Variants in TNFSF14 observed in about 807,000 individuals in gnomAD.
TNFSF14 encodes TNF superfamily member 14.
TNFSF14 carries 15 observed loss-of-function variants against 22.7 expected under a neutral mutation model. The observed-to-expected ratio is 0.66, with a 90% CI of 0.44 to 1.02. The LOEUF is 1.02. TNFSF14 is among the 50% of genes least tolerant of loss of function. The probability of loss-of-function intolerance (pLI) is 0.00; values close to 1 mark genes in which losing one functional copy is unlikely to be tolerated. For missense variants in TNFSF14, 287 were observed against 326.2 expected, an observed-to-expected ratio of 0.88 and a Z score of 0.93; for synonymous variants, 133 against 139.6, an observed-to-expected ratio of 0.95 and a Z score of 0.33.
rs748127352 is a variant in TNFSF14, at chr19:6,667,446, C to T, written c.223G>A (p.Gly75Arg). ...AGCTGCTCCCAGGAGCCTGCAGGTC[C>T]GTCCTGAAAATGCAGAAGGGGCCTG... ...LGEMVTRLPDGPAGSWEQLIQ... is the reference protein window; with the variant it reads ...LGEMVTRLPDRPAGSWEQLIQ... The change falls in exon 2 of 4, where the codon GGA becomes AGA. Residue 75 changes from glycine to arginine, a missense_variant. By Grantham distance (125) the Gly-to-Arg change is moderately radical (BLOSUM62 -2). Coordinates refer to ENST00000675206, the MANE Select transcript of TNFSF14 (RefSeq NM_001376887.1). 3.1e-5 allele frequency: 48 copies of T among 1,564,032 alleles called. No homozygotes were observed. The Middle Eastern group carries it at 1.0e-3, about 33-fold the overall frequency.
chr19:6,662,775 TTTTATGC>T lies in TNFSF14; in HGVS notation c.*2144_*2150del, dbSNP rs1391883427. On this transcript the variant is annotated 3_prime_UTR_variant, in exon 4 of 4. Transcript: ENST00000675206. ...CCACCCAACCCACCAGCTCCCTGTGTTTTATGCTTCCAGCTGGCTTGGCGGATTGTCA... is the reference window on the plus strand; with the variant it reads ...CCACCCAACCCACCAGCTCCCTGTGTTTCCAGCTGGCTTGGCGGATTGTCA... The T allele has an allele frequency of 3.3e-5, 5 of 152,310 alleles. No individual in the cohort carries two copies. The highest frequency in any genetic ancestry group is 5.9e-5 in the Non-Finnish European group (4 of 68,074). The allele number at this position is 152,310 out of a possible 1,614,324, so 9.4% of individuals were successfully genotyped here.
Position 6,661,716 on chromosome 19 carries a change from G to C in TNFSF14, c.*3210C>G, listed in dbSNP as rs957651384. ...TCAATCACGTTAAACACAAGGTAGG[G>C]TATCACATTGGAATTACAGGCATGA... On this transcript the variant is annotated 3_prime_UTR_variant, in exon 4 of 4. Transcript: ENST00000675206. 5.9e-5 allele frequency: 9 copies of C among 152,230 alleles called. No homozygotes were observed. In the East Asian group the frequency reaches 1.5e-3, roughly 26 times the overall value. The allele number at this position is 152,230 out of a possible 1,614,324, so 9.4% of individuals were successfully genotyped here.
chr19:6,662,042 TG>T lies in TNFSF14; in HGVS notation c.*2883del, dbSNP rs1274946474. ...TCAAAGAGTTTCAGATTTTGGAGCA[TG>T]TTTTTTTGTTTTTTGAGATGGGAGC... On this transcript the variant is annotated 3_prime_UTR_variant, in exon 4 of 4. Coordinates refer to ENST00000675206, the MANE Select transcript of TNFSF14 (RefSeq NM_001376887.1). The T allele has an allele frequency of 2.6e-5, 4 of 152,132 alleles. No homozygotes were observed. The highest frequency in any genetic ancestry group is 4.8e-5 in the African/African-American group (2 of 41,394). 9.4% of individuals were successfully genotyped at this position (152,132 alleles called of 1,614,324 possible). A position where few individuals can be genotyped will look rare whatever the true frequency, so the allele number is the denominator to read the frequency against.
rs751918160 is a variant in TNFSF14 at position 6,664,907 on chromosome 19, A to G, written c.*19T>C. ...TCTCCACGTGTCAGACCCATGTCCA[A>G]TGCACCACGCTCCTTCCTTCACACC... On this transcript the variant is annotated 3_prime_UTR_variant, in exon 4 of 4. Coordinates refer to ENST00000675206, the MANE Select transcript of TNFSF14 (RefSeq NM_001376887.1). This position sits in a 1 kb window ranked among gnomAD's most constrained non-coding sequence, Gnocchi z 4.7. The G allele has an allele frequency of 7.7e-6, 12 of 1,565,062 alleles. No individual in the cohort carries two copies. The highest frequency in any genetic ancestry group is 9.6e-6 in the Non-Finnish European group (11 of 1,150,656).
chr19:6,668,937 C>T (rs1344242162), intron 1 of TNFSF14, among the ~76,000 whole-genome samples: 4 of 152,226 alleles, frequency 2.6e-5, no homozygotes, highest in African/African-American at 4.8e-5. Flanking sequence ...TGCAGCTAGG[C>T]GGGTGTGTGG....
intron 1 of TNFSF14, among the ~76,000 whole-genome samples, chr19:6,667,672 G>A (rs1337124174): frequency 6.6e-6 from 1 of 152,166 alleles, no homozygotes; most frequent in Non-Finnish European, 1.5e-5. Flanking sequence ...GTTACGAATC[G>A]TGTCTGCTTG....
intron 1 of TNFSF14, among the ~76,000 whole-genome samples, chr19:6,668,247 C>T (rs909975888): frequency 6.6e-6 from 1 of 151,834 alleles, no homozygotes; most frequent in Non-Finnish European, 1.5e-5. Context: ...CCTGTAGTCC[C>T]AGCTACTCAT....
At chr19:6,670,338 C>G (rs1166545317), upstream of TNFSF14, 4 of 1,229,550 alleles carry the variant, frequency 3.3e-6, no homozygotes, top group Non-Finnish European at 4.2e-6. Context: ...GTGGCAAGTG[C>G]AGTGGGGAGC....
chr19:6,667,503 C>G, intron 1 of TNFSF14, 54 bp from the exon 2 acceptor site: 2 of 1,556,908 alleles, frequency 1.3e-6, no homozygotes, highest in South Asian at 1.2e-5. Flanking sequence ...GCCACGCCCT[C>G]GCATTGCTCA....
At position 6,664,803 on chromosome 19, in the gene TNFSF14, G is replaced by T; in HGVS notation, c.*123C>A. On this transcript the variant is annotated 3_prime_UTR_variant, in exon 4 of 4. Coordinates refer to ENST00000675206, the MANE Select transcript of TNFSF14 (RefSeq NM_001376887.1). The surrounding 1 kb of genome is among the most constrained non-coding windows in gnomAD (Gnocchi z 4.7). ...GATCCGCCTGCCTTGGCCTCCCAAA[G>T]TGCTGGGATTACAGGCGAGAGCCAC... 7.7e-7 allele frequency: 1 copy of T among 1,306,120 alleles called. No homozygotes were observed. Among genetic ancestry groups the T allele is most frequent in the Non-Finnish European group, 1.0e-6 (1 of 958,460 alleles). 80.9% of individuals were successfully genotyped at this position (1,306,120 alleles called of 1,614,324 possible). A position where few individuals can be genotyped will look rare whatever the true frequency, so the allele number is the denominator to read the frequency against.
chr19:6,666,998 C>G (rs1445999214), intron 3 of TNFSF14, 115 bp downstream of exon 3: 1 of 1,143,496 alleles, frequency 8.7e-7, no homozygotes, highest in Non-Finnish European at 1.3e-6. Flanking sequence ...TTCTGAGCAA[C>G]TCTGTGAGTA....
At chr19:6,670,224 C>T, upstream of TNFSF14, 1 of 1,443,132 alleles carries the variant, frequency 6.9e-7, no homozygotes, top group African/African-American at 1.4e-5. Context: ...CCCCCACTCA[C>T]CCTCCTCTTC....
chr19:6,670,179 G>A (rs1369363802), upstream of TNFSF14: 8 of 1,494,522 alleles, frequency 5.4e-6, no homozygotes, highest in East Asian at 1.2e-4. Flanking sequence ...GCACCCGTGG[G>A]CCGCCTTTAG....
chr19:6,663,581 C>G lies in TNFSF14; in HGVS notation c.*1345G>C, dbSNP rs980473801. 6.5e-6 allele frequency: 1 copy of G among 152,734 alleles called. No homozygotes were observed. The highest frequency in any genetic ancestry group is 1.5e-5 in the Non-Finnish European group (1 of 68,094). The allele number at this position is 152,734 out of a possible 1,614,324, so 9.5% of individuals were successfully genotyped here. A position where few individuals can be genotyped will look rare whatever the true frequency, so the allele number is the denominator to read the frequency against. ...AATGAGTATTAATTACCAAGTGTGA[C>G]GGTGACACCTCTGGGAGTGGCTGTG... On this transcript the variant is annotated 3_prime_UTR_variant, in exon 4 of 4. Coordinates refer to ENST00000675206, the MANE Select transcript of TNFSF14 (RefSeq NM_001376887.1).
chr19:6,669,807 C>T (rs1428762338), intron 1 of TNFSF14, 44 bp downstream of exon 1: 2 of 1,597,658 alleles, frequency 1.3e-6, no homozygotes, highest in Non-Finnish European at 1.7e-6. Context: ...CACAGGGGAG[C>T]CCCCCTCACC....
rs1283640193 is a variant in TNFSF14, at chr19:6,663,736, A to G, written c.*1190T>C. 1 of 152,428 alleles carries G rather than the reference A, an allele frequency of 6.6e-6. No homozygotes were observed. The highest frequency in any genetic ancestry group is 2.4e-5 in the African/African-American group (1 of 41,432). The allele number at this position is 152,428 out of a possible 1,614,324, so 9.4% of individuals were successfully genotyped here. A position where few individuals can be genotyped will look rare whatever the true frequency, so the allele number is the denominator to read the frequency against. On this transcript the variant is annotated 3_prime_UTR_variant, in exon 4 of 4. Transcript: ENST00000675206. ...TGCATGAATCTGGCACTTCGCGTGT[A>G]TGAGTCTATAGTTGTGAAAGAGTGG... is the stretch of plus-strand genomic sequence containing the variant.
At chr19:6,668,730 G>A (rs1299234971) in intron 1 of TNFSF14, among the ~76,000 whole-genome samples, 1 of 152,042 alleles carries the variant, frequency 6.6e-6, no homozygotes, top group African/African-American at 2.4e-5. Context: ...AATGCAGACA[G>A]CGAGATGGCT....
At chr19:6,666,817 G>T (rs934546089) in intron 3 of TNFSF14, among the ~76,000 whole-genome samples, 1 of 152,060 alleles carries the variant, frequency 6.6e-6, no homozygotes, top group African/African-American at 2.4e-5. Flanking sequence ...AGAATCGCTT[G>T]AACCCGGGAG....
chr19:6,665,855 C>G (rs1452635612), intron 3 of TNFSF14, among the ~76,000 whole-genome samples: 1 of 151,006 alleles, frequency 6.6e-6, no homozygotes, highest in East Asian at 1.9e-4. Context: ...GTGGCCCAGG[C>G]TGGTCTCGAA....
Sources: allele counts gnomAD v4.1 joint callset (sites outside exome capture counted in the v4.1 genomes callset), GRCh38; gene constraint gnomAD v4.1.1; non-coding constraint Gnocchi (gnomAD v3.1); transcripts MANE v1.5; gene names NCBI Gene and HGNC (gene_info 2026-07-23, HGNC 2026-07-21).